PXDNL: variants seen among roughly 807,000 people sequenced by gnomAD.
PXDNL encodes probable oxidoreductase PXDNL.
In PXDNL, 145 loss-of-function variants were observed where a neutral mutation model predicts 150.8. The ratio of observed to expected loss-of-function variants is 0.96; its 90% CI spans 0.84 to 1.10. The LOEUF (loss-of-function observed/expected upper bound fraction) is 1.10, where lower values mean the gene tolerates loss of function less well. Among genes scored for constraint, PXDNL ranks in the 50% least tolerant of loss-of-function variants. PXDNL has a pLI of 0.00. For synonymous variants in PXDNL, 757 were observed against 725.7 expected, an observed-to-expected ratio of 1.04 and a Z score of -0.69; for missense variants, 2,087 against 1,873.9, an observed-to-expected ratio of 1.11 and a Z score of -2.10.
intron 17 of PXDNL, among the ~76,000 whole-genome samples, chr8:51,403,269 C>T (rs571590604): frequency 3.3e-5 from 5 of 152,036 alleles, no homozygotes; most frequent in African/African-American, 1.2e-4. Context: ...ATTTCCTGAG[C>T]TCTTGGTACT....
intron 2 of PXDNL, among the ~76,000 whole-genome samples, chr8:51,600,899 T>G (rs1376436952): frequency 3.5e-5 from 5 of 142,228 alleles, no homozygotes; most frequent in Non-Finnish European, 7.6e-5. Flanking sequence ...AATTATATAG[T>G]TTAGATAATT....
At chr8:51,683,178 T>TATATATAC (rs1554566176) in intron 1 of PXDNL, among the ~76,000 whole-genome samples, 1 of 122,176 alleles carries the variant, frequency 8.2e-6, no homozygotes, top group Admixed American at 8.2e-5. Context: ...TATATATATA[T>TATATATAC]ATATATATAT....
intron 2 of PXDNL, among the ~76,000 whole-genome samples, chr8:51,603,147 A>G (rs925818804): frequency 6.6e-6 from 1 of 151,896 alleles, no homozygotes; most frequent in Non-Finnish European, 1.5e-5. Context: ...GACATACTGC[A>G]ATGGAAATAT....
Position 51,423,745 on chromosome 8 carries a change from A to G in PXDNL, c.1639-14T>C, listed in dbSNP as rs542974801. On this transcript the variant is annotated splice_polypyrimidine_tract_variant and intron_variant, in intron 13 of 22. Coordinates refer to ENST00000356297, the MANE Select transcript of PXDNL (RefSeq NM_144651.5). ...CTGCACACCTTCCTAGGGAGCAAAA[A>G]AGAGTTGCCACTGAATGAGTGTGGT... is the stretch of plus-strand genomic sequence containing the variant. 1.2e-6 allele frequency: 2 copies of G among 1,602,430 alleles called. No individual in the cohort carries two copies. Among genetic ancestry groups the G allele is most frequent in the East Asian group, 2.2e-5 (1 of 44,608 alleles).
At chr8:51,646,826 A>G (rs966560626) in intron 2 of PXDNL, among the ~76,000 whole-genome samples, 1 of 152,152 alleles carries the variant, frequency 6.6e-6, no homozygotes, top group African/African-American at 2.4e-5. Context: ...TAGGAGAGAT[A>G]GGGGACAACC....
At chr8:51,596,653 T>A (rs1340302328) in intron 2 of PXDNL, among the ~76,000 whole-genome samples, 1 of 152,156 alleles carries the variant, frequency 6.6e-6, no homozygotes, top group African/African-American at 2.4e-5. Context: ...CATCTGATGA[T>A]TCGTGATGAT....
At chr8:51,345,801 T>G (rs751074382) in intron 20 of PXDNL, 32 bp downstream of exon 20, 4 of 1,339,630 alleles carry the variant, frequency 3.0e-6, no homozygotes, top group Non-Finnish European at 4.3e-6. Context: ...TATAGTAAGT[T>G]GCCTAAAGAA....
intron 3 of PXDNL, among the ~76,000 whole-genome samples, chr8:51,566,554 A>C (rs1812833387): frequency 6.6e-6 from 1 of 151,706 alleles, no homozygotes; most frequent in Non-Finnish European, 1.5e-5. Flanking sequence ...ATTTTATCTA[A>C]GTTACCAAAT....
chr8:51,399,094 A>G (rs1358987854), intron 17 of PXDNL, among the ~76,000 whole-genome samples: 1 of 152,216 alleles, frequency 6.6e-6, no homozygotes, highest in African/African-American at 2.4e-5. Context: ...ACAGGAGAAA[A>G]AAATTAAGCA....
intron 1 of PXDNL, among the ~76,000 whole-genome samples, chr8:51,703,329 T>C (rs1487084761): frequency 6.6e-6 from 1 of 152,018 alleles, no homozygotes; most frequent in Non-Finnish European, 1.5e-5. Flanking sequence ...CTTATTAACA[T>C]CTGTGCACAG....
chr8:51,396,573 A>G (rs986572984), intron 17 of PXDNL, among the ~76,000 whole-genome samples: 1 of 152,204 alleles, frequency 6.6e-6, no homozygotes, highest in African/African-American at 2.4e-5. Flanking sequence ...CCTGACCAAC[A>G]TGGAGAAACT....
intron 1 of PXDNL, among the ~76,000 whole-genome samples, chr8:51,662,589 ATT>A (rs1355636228): frequency 1.1e-4 from 17 of 152,204 alleles, no homozygotes; most frequent in African/African-American, 4.1e-4. Context: ...AATCATAACT[ATT>A]TGCACAGCAC....
chr8:51,586,730 A>G (rs1251843690), intron 3 of PXDNL, among the ~76,000 whole-genome samples: 1 of 152,220 alleles, frequency 6.6e-6, no homozygotes, highest in Non-Finnish European at 1.5e-5. Context: ...TGCTAAGGAT[A>G]CAATTGCAAG....
At chr8:51,419,703 T>C (rs140403756) in intron 14 of PXDNL, among the ~76,000 whole-genome samples, 2 of 152,314 alleles carry the variant, frequency 1.3e-5, no homozygotes, top group African/African-American at 2.4e-5. Flanking sequence ...TAATATAATA[T>C]AGGGAGTGTT....
At chr8:51,562,510 T>A (rs1490325277) in intron 3 of PXDNL, among the ~76,000 whole-genome samples, 1 of 151,982 alleles carries the variant, frequency 6.6e-6, no homozygotes, top group Non-Finnish European at 1.5e-5. Context: ...CACTAAAATT[T>A]TGGGGAAATG....
At chr8:51,541,677 C>T (rs909361342) in intron 4 of PXDNL, among the ~76,000 whole-genome samples, 1 of 152,144 alleles carries the variant, frequency 6.6e-6, no homozygotes, top group Non-Finnish European at 1.5e-5. Flanking sequence ...TCACACTAGG[C>T]TTCCTGAGCC....
intron 19 of PXDNL, among the ~76,000 whole-genome samples, chr8:51,353,566 T>G (rs1212910058): frequency 1.3e-5 from 2 of 152,158 alleles, no homozygotes; most frequent in Non-Finnish European, 2.9e-5. Context: ...TTAGATTAGT[T>G]GCACTGTGGT....
intron 4 of PXDNL, among the ~76,000 whole-genome samples, chr8:51,542,874 G>A (rs1431213364): frequency 1.3e-5 from 2 of 151,356 alleles, no homozygotes; most frequent in Non-Finnish European, 2.9e-5. Flanking sequence ...GATCAACAAA[G>A]GCCAAAAGAA....
intron 1 of PXDNL, among the ~76,000 whole-genome samples, chr8:51,731,048 A>G (rs550187240): frequency 2.1e-3 from 324 of 152,292 alleles, no homozygotes; most frequent in African/African-American, 6.9e-3. Flanking sequence ...TCATGTTCTC[A>G]CATTTCAAAA....
Sources: gnomAD v4.1 joint callset for allele counts (sites outside exome capture counted in the v4.1 genomes callset) on GRCh38, gnomAD v4.1.1 for gene constraint, MANE v1.5 for transcripts, NCBI Gene and HGNC (gene_info 2026-07-23, HGNC 2026-07-21) for gene names.